The following L2HGDH variants were observed in gnomAD, a reference collection of about 807,000 sequenced individuals.
L2HGDH encodes the protein L-2-hydroxyglutarate dehydrogenase.
In L2HGDH, 34 loss-of-function variants were observed where a neutral mutation model predicts 51.5. That is an observed-to-expected ratio of 0.66 (90% CI 0.50 to 0.88). The LOEUF is 0.88. Ranked by LOEUF, L2HGDH falls within the 40% of genes least tolerant of loss-of-function variation. L2HGDH has a pLI of 0.00. For synonymous variants in L2HGDH, 198 were observed against 197.9 expected (o/e 1.00, Z -0.01); for missense variants, 558 against 571.9 (o/e 0.98, Z 0.25).
At chr14:50,291,161 G>C (rs1268429483) in intron 4 of L2HGDH, among the ~76,000 whole-genome samples, 1 of 119,874 alleles carries the variant, frequency 8.3e-6, no homozygotes, top group Non-Finnish European at 1.6e-5. Flanking sequence ...TTGTGCCACT[G>C]CACTCCAGCT....
intron 3 of L2HGDH, among the ~76,000 whole-genome samples, chr14:50,298,118 C>T (rs1261109801): frequency 4.7e-5 from 7 of 150,522 alleles, no homozygotes; most frequent in Non-Finnish European, 5.9e-5. Flanking sequence ...GTGGCGTGAG[C>T]CTGTAGTCCC....
intron 4 of L2HGDH, among the ~76,000 whole-genome samples, chr14:50,286,120 A>AG (rs1890549034): frequency 6.6e-6 from 1 of 152,194 alleles, no homozygotes; most frequent in South Asian, 2.1e-4. Flanking sequence ...TTGGCAGATC[A>AG]GAACCAGGCA....
In L2HGDH at chr14:50,249,814, C is replaced by A. The variant is rs371728751; in HGVS notation, c.1197-2561G>T. Among the ~76,000 whole-genome samples, 6 of 149,922 alleles carry A rather than the reference C, an allele frequency of 4.0e-5. No homozygotes were observed. The South Asian group carries it at 1.3e-3, about 32-fold the overall frequency. On this transcript the variant is annotated intron_variant, in intron 9 of 9. Transcript: ENST00000267436. ...GGGACTTTGTCTTACACCTTAGGTA[C>A]CAGCTCAGCCACAGTGAGGTAGAGC...
chr14:50,260,307 A>G (rs1242497301), intron 9 of L2HGDH, among the ~76,000 whole-genome samples: 2 of 152,178 alleles, frequency 1.3e-5, no homozygotes, highest in Non-Finnish European at 2.9e-5. Flanking sequence ...CCAACTTTCT[A>G]CCTTGTATAG....
At chr14:50,274,001 C>G (rs1230104130) in intron 6 of L2HGDH, among the ~76,000 whole-genome samples, 2 of 152,048 alleles carry the variant, frequency 1.3e-5, no homozygotes, top group African/African-American at 2.4e-5. Flanking sequence ...TCGCTTGAAC[C>G]CAGGAGGCAG....
At chr14:50,309,736 G>A (rs948706670) in intron 1 of L2HGDH, among the ~76,000 whole-genome samples, 6 of 149,606 alleles carry the variant, frequency 4.0e-5, no homozygotes, top group African/African-American at 9.8e-5. Context: ...AGGCTTCAGC[G>A]CGGCGGTGTA....
chr14:50,290,261 C>T (rs765331415), intron 4 of L2HGDH, among the ~76,000 whole-genome samples: 4 of 151,344 alleles, frequency 2.6e-5, no homozygotes, highest in Admixed American at 6.6e-5. Context: ...AGTGAGACTC[C>T]GTCTCATAAA....
chr14:50,302,071 G>A lies in L2HGDH; in HGVS notation c.354C>T (p.Ala118=), dbSNP rs375154629. Reference sequence around the variant, plus strand: ...TTTGCTGACAGTACTCATAGAGGAGGGCTGCACCTTGTACACATAATTTGG... The same window carrying A: ...TTTGCTGACAGTACTCATAGAGGAGAGCTGCACCTTGTACACATAATTTGG... ...LKAKLCVQGA[A]LLYEYCQQKG... is the part of the protein sequence containing the mutation. The change falls in exon 3 of 10, where the codon GCC becomes GCT. Residue 118 remains alanine (A), a synonymous_variant. Transcript: ENST00000267436. 3.7e-6 allele frequency: 6 copies of A among 1,613,948 alleles called. No homozygotes were observed. In the African/African-American group the frequency reaches 5.3e-5, roughly 14 times the overall value.
chr14:50,312,189 G>T lies in L2HGDH; in HGVS notation c.-39C>A. ...TCCCCTCCCTCAGCGCTCAGAAGAAGCCACTTGACCCTCCACGGCCGAGGA... is the reference window on the plus strand; with the variant it reads ...TCCCCTCCCTCAGCGCTCAGAAGAATCCACTTGACCCTCCACGGCCGAGGA... On this transcript the variant is annotated 5_prime_UTR_variant, in exon 1 of 10. Coordinates refer to ENST00000267436, the MANE Select transcript of L2HGDH (RefSeq NM_024884.3). The T allele has an allele frequency of 6.2e-7, 1 of 1,605,744 alleles. No individual in the cohort carries two copies.
At chr14:50,281,934 G>A (rs551326259) in intron 5 of L2HGDH, among the ~76,000 whole-genome samples, 51 of 152,250 alleles carry the variant, frequency 3.3e-4, no homozygotes, top group Middle Eastern at 3.4e-3. Flanking sequence ...TCCACCTCCC[G>A]GGTTCAAGCT....
intron 5 of L2HGDH, among the ~76,000 whole-genome samples, chr14:50,281,495 G>A (rs1890268789): frequency 6.6e-6 from 1 of 152,244 alleles, no homozygotes. Flanking sequence ...GGGAGGCTGA[G>A]GCAGGAGAAT....
At chr14:50,251,131 GA>G (rs1888324709) in intron 9 of L2HGDH, among the ~76,000 whole-genome samples, 1 of 152,084 alleles carries the variant, frequency 6.6e-6, no homozygotes, top group Non-Finnish European at 1.5e-5. Flanking sequence ...AGACAACACA[GA>G]AAGAATTCAC....
At position 50,244,459 on chromosome 14, in the gene L2HGDH, C is replaced by T; in HGVS notation, c.*2599G>A. 2.0e-6 allele frequency: 2 copies of T among 984,842 alleles called. No homozygotes were observed. Among genetic ancestry groups the T allele is most frequent in the South Asian group, 9.4e-5 (2 of 21,280 alleles). 61.0% of individuals were successfully genotyped at this position (984,842 alleles called of 1,614,324 possible). ...ACTTAGTATGTATGCAATCGTACTA[C>T]TGACAAAATACAGAATGATAATATT... On this transcript the variant is annotated 3_prime_UTR_variant, in exon 10 of 10. Coordinates refer to ENST00000267436, the MANE Select transcript of L2HGDH (RefSeq NM_024884.3).
intron 1 of L2HGDH, among the ~76,000 whole-genome samples, chr14:50,309,288 T>G (rs112733256): frequency 0.038 from 5,815 of 152,258 alleles, 282 homozygotes; most frequent in African/African-American, 0.11. Context: ...TCAGGCCGGG[T>G]GCAGTGGCTC....
chr14:50,303,139 G>T (rs1042265031), intron 1 of L2HGDH, 122 bp from the exon 2 acceptor site: 1 of 698,452 alleles, frequency 1.4e-6, no homozygotes, highest in African/African-American at 1.8e-5. Context: ...AAACGTATTC[G>T]GCGGCCGGTC....
chr14:50,254,225 T>C (rs1052270280), intron 9 of L2HGDH, among the ~76,000 whole-genome samples: 1 of 152,142 alleles, frequency 6.6e-6, no homozygotes, highest in African/African-American at 2.4e-5. Context: ...GGATAAATGC[T>C]TGAGGGTACG....
chr14:50,311,216 T>C, intron 1 of L2HGDH: 1 of 399,806 alleles, frequency 2.5e-6, no homozygotes, highest in Non-Finnish European at 5.0e-6. Flanking sequence ...CGTAGCCTCT[T>C]CTTAAAACCC....
At chr14:50,310,209 T>C (rs2031013243) in intron 1 of L2HGDH, among the ~76,000 whole-genome samples, 1 of 152,040 alleles carries the variant, frequency 6.6e-6, no homozygotes, top group Non-Finnish European at 1.5e-5. Flanking sequence ...GAAGGGTACA[T>C]GGGATCTCTT....
intron 9 of L2HGDH, among the ~76,000 whole-genome samples, chr14:50,259,366 G>GGTTTTTT (rs759718499): frequency 4.6e-5 from 6 of 130,696 alleles, no homozygotes; most frequent in East Asian, 2.2e-4. Context: ...TTCTTTTTCG[G>GGTTTTTT]TTTTTTTTTT....
Sources: allele counts gnomAD v4.1 joint callset (sites outside exome capture counted in the v4.1 genomes callset), GRCh38; gene constraint gnomAD v4.1.1; transcripts MANE v1.5; gene names NCBI Gene and HGNC (gene_info 2026-07-23, HGNC 2026-07-21).